CXADR: variants seen among roughly 807,000 people sequenced by gnomAD.
CXADR encodes the protein coxsackievirus and adenovirus receptor.
In CXADR, 20 loss-of-function variants were observed where a neutral mutation model predicts 40.3. The ratio of observed to expected loss-of-function variants is 0.50; its 90% CI spans 0.35 to 0.72. The LOEUF (loss-of-function observed/expected upper bound fraction) is 0.72, where lower values mean the gene tolerates loss of function less well. Among genes scored for constraint, CXADR ranks in the 30% least tolerant of loss-of-function variants. The pLI is 0.01. For synonymous variants in CXADR, 150 were observed against 161.3 expected, an observed-to-expected ratio of 0.93 and a Z score of 0.53; for missense variants, 332 against 449.1, an observed-to-expected ratio of 0.74 and a Z score of 2.36.
At chr21:17,586,376 A>G (rs2061396046) in intron 7 of CXADR, among the ~76,000 whole-genome samples, 1 of 144,360 alleles carries the variant, frequency 6.9e-6, no homozygotes, top group Non-Finnish European at 1.5e-5. Context: ...TATATACAAA[A>G]TGTGTGTATA....
At chr21:17,519,555 T>C (rs563769799) in intron 1 of CXADR, among the ~76,000 whole-genome samples, 3 of 152,330 alleles carry the variant, frequency 2.0e-5, no homozygotes, top group Non-Finnish European at 2.9e-5. Context: ...AATTGGTTTA[T>C]CTCTTTGGAA....
downstream of CXADR, among the ~76,000 whole-genome samples, chr21:17,596,447 T>C (rs1056178408): frequency 6.6e-6 from 1 of 152,072 alleles, no homozygotes; most frequent in African/African-American, 2.4e-5. Flanking sequence ...ACAATCCATC[T>C]CAAATCAATA....
At chr21:17,584,668 A>G (rs1235349006) in intron 7 of CXADR, among the ~76,000 whole-genome samples, 1 of 152,156 alleles carries the variant, frequency 6.6e-6, no homozygotes, top group Non-Finnish European at 1.5e-5. Context: ...TGTCTCTACT[A>G]AAAATACAAA....
At position 17,513,079 on chromosome 21, in the gene CXADR, A is replaced by T. The variant is rs773423121; in HGVS notation, c.-51A>T. The stretch of plus-strand genomic sequence containing the variant: ...CGCGAGGCGCGGGGAGCCTGGGACC[A>T]GGAGCGAGAGCCGCCTACCTGCAGC... On this transcript the variant is annotated 5_prime_UTR_variant, in exon 1 of 7. Transcript: ENST00000284878. 12 of 1,334,182 alleles carry T rather than the reference A, an allele frequency of 9.0e-6. No individual in the cohort carries two copies. The highest frequency in any genetic ancestry group is 2.1e-5 in the South Asian group (1 of 47,466). The allele number at this position is 1,334,182 out of a possible 1,614,324, so 82.6% of individuals were successfully genotyped here. A position where few individuals can be genotyped will look rare whatever the true frequency, so the allele number is the denominator to read the frequency against.
chr21:17,601,162 C>CAA, the CXADR span, among the ~76,000 whole-genome samples: 30 of 115,686 alleles, frequency 2.6e-4, no homozygotes, highest in East Asian at 1.2e-3. Flanking sequence ...GACTCCGTCT[C>CAA]AAAAAAAAAA....
At chr21:17,555,759 A>G (rs930040816) in intron 3 of CXADR, among the ~76,000 whole-genome samples, 1 of 152,168 alleles carries the variant, frequency 6.6e-6, no homozygotes, top group Non-Finnish European at 1.5e-5. Context: ...TAATTAAAAA[A>G]TGTCTTGGGG....
rs562781884 is a variant in CXADR, at chr21:17,546,897, C to T, written c.44-130C>T. The T allele has an allele frequency of 6.8e-6, 7 of 1,027,588 alleles. No individual in the cohort carries two copies. The Admixed American group carries it at 1.2e-4, about 18-fold the overall frequency. 63.7% of individuals were successfully genotyped at this position (1,027,588 alleles called of 1,614,324 possible). A position where few individuals can be genotyped will look rare whatever the true frequency, so the allele number is the denominator to read the frequency against. On this transcript the variant is annotated intron_variant, in intron 1 of 6. Coordinates refer to ENST00000284878, the MANE Select transcript of CXADR (RefSeq NM_001338.5). ...ACTGGGCATCTCTTGAGTTTGGACTCCATTCCTCGGGACCCAAACCCCGTC... is the reference window on the plus strand; with the variant it reads ...ACTGGGCATCTCTTGAGTTTGGACTTCATTCCTCGGGACCCAAACCCCGTC...
intron 5 of CXADR, 96 bp downstream of exon 5, chr21:17,560,920 C>T (rs1439044564): frequency 6.0e-6 from 9 of 1,512,536 alleles, no homozygotes; most frequent in Non-Finnish European, 7.1e-6. Flanking sequence ...GACAAAGGGA[C>T]ACTGACTTTG....
chr21:17,629,349 C>T, the CXADR span, among the ~76,000 whole-genome samples: 1 of 138,984 alleles, frequency 7.2e-6, no homozygotes, highest in East Asian at 2.1e-4. Flanking sequence ...CACTGTACTC[C>T]AGCCTGGGCG....
In CXADR at chr21:17,567,289, T is replaced by C. The variant is rs925983888; in HGVS notation, c.*1597T>C. The stretch of plus-strand genomic sequence containing the variant: ...GTATTGTGTGTACACTTTTTAATGG[T>C]AAACTTAAGCTGAATGTGTAATGGA... On this transcript the variant is annotated 3_prime_UTR_variant, in exon 7 of 7. Coordinates refer to ENST00000284878, the MANE Select transcript of CXADR (RefSeq NM_001338.5). The C allele has an allele frequency of 1.0e-6, 1 of 985,306 alleles. No individual in the cohort carries two copies. Among genetic ancestry groups the C allele is most frequent in the African/African-American group, 1.7e-5 (1 of 57,262 alleles). The allele number at this position is 985,306 out of a possible 1,614,324, so 61.0% of individuals were successfully genotyped here.
In CXADR at chr21:17,513,043, A is replaced by C. The variant is rs1183189361; in HGVS notation, c.-87A>C. The C allele has an allele frequency of 1.2e-4, 147 of 1,236,318 alleles. 1 individual carries two copies. The highest frequency in any genetic ancestry group is 1.5e-4 in the Non-Finnish European group (141 of 959,866). 76.6% of individuals were successfully genotyped at this position (1,236,318 alleles called of 1,614,324 possible). On this transcript the variant is annotated 5_prime_UTR_variant, in exon 1 of 7. Transcript: ENST00000284878. ...AGAGGTGCCGCCGCCGCCGCGAGCCAGTCGGGAGCGCGCGAGGCGCGGGGA... is the reference window on the plus strand; with the variant it reads ...AGAGGTGCCGCCGCCGCCGCGAGCCCGTCGGGAGCGCGCGAGGCGCGGGGA...
At chr21:17,599,081 TA>T in the CXADR span, 11,430 of 316,950 alleles carry the variant, frequency 0.036, 195 homozygotes, top group Middle Eastern at 0.086. Flanking sequence ...TACTAATTCC[TA>T]AAAAAAAAAT....
chr21:17,518,091 T>C (rs2060483110), intron 1 of CXADR, among the ~76,000 whole-genome samples: 2 of 152,210 alleles, frequency 1.3e-5, no homozygotes, highest in Non-Finnish European at 2.9e-5. Context: ...ATACTCACTT[T>C]CCATTAATTC....
At chr21:17,620,606 T>G in the CXADR span, among the ~76,000 whole-genome samples, 4 of 152,180 alleles carry the variant, frequency 2.6e-5, no homozygotes, top group African/African-American at 4.8e-5. Flanking sequence ...GACACAAGAT[T>G]GCCAAAATCT....
At chr21:17,529,413 C>T (rs540434789) in intron 1 of CXADR, among the ~76,000 whole-genome samples, 26 of 152,208 alleles carry the variant, frequency 1.7e-4, no homozygotes, top group African/African-American at 4.8e-4. Context: ...CTCTGCCTCC[C>T]GGGTTCAAGT....
chr21:17,518,753 T>C, intron 1 of CXADR: 1 of 1,587,966 alleles, frequency 6.3e-7, no homozygotes, highest in Non-Finnish European at 8.6e-7. Context: ...ATTGCAAAGG[T>C]GTTAGCAGAA....
intron 2 of CXADR, among the ~76,000 whole-genome samples, chr21:17,547,603 A>G (rs903190186): frequency 6.6e-6 from 1 of 152,222 alleles, no homozygotes; most frequent in Non-Finnish European, 1.5e-5. Context: ...GTTAGACAGA[A>G]TTGAAATTTT....
chr21:17,555,018 G>A (rs1377827026), intron 3 of CXADR, among the ~76,000 whole-genome samples: 3 of 152,178 alleles, frequency 2.0e-5, no homozygotes, highest in Non-Finnish European at 2.9e-5. Context: ...TGCCGTGCCT[G>A]CCTTGCTCTT....
intron 1 of CXADR, chr21:17,518,547 A>G (rs1049200540): frequency 3.7e-6 from 4 of 1,088,080 alleles, no homozygotes; most frequent in East Asian, 4.7e-5. Context: ...TTGATGCCTC[A>G]TCAAAATTTT....
Sources: allele counts gnomAD v4.1 joint callset (sites outside exome capture counted in the v4.1 genomes callset), GRCh38; gene constraint gnomAD v4.1.1; transcripts MANE v1.5; gene names NCBI Gene and HGNC (gene_info 2026-07-23, HGNC 2026-07-21).